The following SEMA6D variants were observed in gnomAD, a reference collection of about 807,000 sequenced individuals.
The protein encoded by SEMA6D is semaphorin-6D.
A neutral mutation model predicts 106.6 loss-of-function variants in SEMA6D; 35 were observed. That is an observed-to-expected ratio of 0.33 (90% CI 0.25 to 0.44). SEMA6D has a LOEUF of 0.44. Among genes scored for constraint, SEMA6D ranks in the 20% least tolerant of loss-of-function variants. SEMA6D has a pLI of 1.00. For synonymous variants in SEMA6D, 499 were observed against 487.7 expected, an observed-to-expected ratio of 1.02 and a Z score of -0.31; for missense variants, 1,185 against 1,345.9, an observed-to-expected ratio of 0.88 and a Z score of 1.87.
At position 47,391,442 on chromosome 15, in the gene SEMA6D, T is replaced by G. The variant is rs982400725; in HGVS notation, c.-238-20951T>G. On this transcript the variant is annotated intron_variant, in intron 1 of 19. Coordinates refer to the SEMA6D transcript ENST00000558014. ...TGTGATGGTTCCAAGGATCAATCCA[T>G]CAGACAATGGTTCCTATTACTGCTT... Among the ~76,000 whole-genome samples the G allele has an allele frequency of 3.3e-5, 5 of 152,128 alleles. No homozygotes were observed. The South Asian group carries it at 1.0e-3, about 32-fold the overall frequency.
chr15:47,738,920 G>C (rs1288261530), intron 1 of SEMA6D, among the ~76,000 whole-genome samples: 1 of 152,110 alleles, frequency 6.6e-6, no homozygotes, highest in African/African-American at 2.4e-5. Context: ...TCAGCTCAGG[G>C]CTCAGCTAGG....
chr15:47,669,983 G>T (rs2078108239), intron 4 of SEMA6D, among the ~76,000 whole-genome samples: 1 of 152,232 alleles, frequency 6.6e-6, no homozygotes, highest in Non-Finnish European at 1.5e-5. Context: ...CAGTTCCCCA[G>T]AGCACATCAA....
At chr15:47,596,742 A>G (rs1293121614) in intron 3 of SEMA6D, among the ~76,000 whole-genome samples, 1 of 152,094 alleles carries the variant, frequency 6.6e-6, no homozygotes, top group Non-Finnish European at 1.5e-5. Context: ...GAAGAATGAA[A>G]CTAGACCCAT....
At chr15:47,586,555 A>T (rs2076343890) in intron 3 of SEMA6D, among the ~76,000 whole-genome samples, 2 of 152,202 alleles carry the variant, frequency 1.3e-5, no homozygotes, top group Non-Finnish European at 2.9e-5. Flanking sequence ...TTTGTTACAC[A>T]AATACAAATA....
chr15:47,645,304 C>T (rs572798129), intron 4 of SEMA6D, among the ~76,000 whole-genome samples: 6 of 152,156 alleles, frequency 3.9e-5, no homozygotes, highest in Non-Finnish European at 7.3e-5. Context: ...GCACAGGCCA[C>T]CATGGGTATT....
chr15:47,209,938 T>A (rs1895366318), intron 1 of SEMA6D, among the ~76,000 whole-genome samples: 2 of 152,240 alleles, frequency 1.3e-5, no homozygotes, highest in African/African-American at 4.8e-5. Context: ...TGTACCAGTG[T>A]GAATGTTAGG....
At chr15:47,689,744 A>G (rs950048793) in intron 4 of SEMA6D, among the ~76,000 whole-genome samples, 94 of 152,130 alleles carry the variant, frequency 6.2e-4, no homozygotes, top group Non-Finnish European at 8.8e-5. Context: ...AGAGATGAGG[A>G]CTTCCTGTTT....
At chr15:47,331,210 C>T (rs1400181611) in intron 1 of SEMA6D, among the ~76,000 whole-genome samples, 2 of 152,146 alleles carry the variant, frequency 1.3e-5, no homozygotes, top group Non-Finnish European at 2.9e-5. Context: ...TTGGGCAGCC[C>T]ATATTATTTG....
rs113849646 is a variant in SEMA6D at position 47,764,195 on chromosome 15, T to C, written c.987T>C (p.Cys329=). Reference sequence around the variant, plus strand: ...TCAGCATCCCTGGTTCTGCTGTCTGTGCATTTAGCATGGATGACATTGAAA... The same window carrying C: ...TCAGCATCCCTGGTTCTGCTGTCTGCGCATTTAGCATGGATGACATTGAAA... ...QLNSIPGSAV[C]AFSMDDIEKV... is the part of the protein sequence containing the mutation. The change falls in exon 11 of 19, where the codon TGT becomes TGC. Residue 329 remains cysteine (C), a synonymous_variant. Coordinates refer to ENST00000536845, the MANE Select transcript of SEMA6D (RefSeq NM_001358351.3). The C allele has an allele frequency of 6.2e-7, 1 of 1,613,768 alleles. No homozygotes were observed. Among genetic ancestry groups the C allele is most frequent in the South Asian group, 1.1e-5 (1 of 91,052 alleles).
At chr15:47,220,312 C>G (rs1480192914) in intron 1 of SEMA6D, among the ~76,000 whole-genome samples, 1 of 152,170 alleles carries the variant, frequency 6.6e-6, no homozygotes, top group African/African-American at 2.4e-5. Context: ...TTTAGTTCTT[C>G]ATTAATCTGT....
chr15:47,646,834 C>T (rs2077590645), intron 4 of SEMA6D, among the ~76,000 whole-genome samples: 1 of 152,150 alleles, frequency 6.6e-6, no homozygotes. Context: ...CACTAGCCAC[C>T]ATCTTCTCTG....
chr15:47,445,513 A>G (rs980465056), intron 2 of SEMA6D, among the ~76,000 whole-genome samples: 1 of 151,994 alleles, frequency 6.6e-6, no homozygotes, highest in Non-Finnish European at 1.5e-5. Flanking sequence ...GCTTAACCAT[A>G]CCTACATCTG....
chr15:47,254,875 T>TTGTGTG (rs58271041), intron 1 of SEMA6D, among the ~76,000 whole-genome samples: 32,422 of 134,078 alleles, frequency 0.24, 4,319 homozygotes, highest in Non-Finnish European at 0.3. Context: ...ACCTGTGGTT[T>TTGTGTG]TGTGTGTGTG....
intron 1 of SEMA6D, among the ~76,000 whole-genome samples, chr15:47,354,389 AATATATATATATG>A (rs2038474028): frequency 4.7e-5 from 5 of 106,854 alleles, no homozygotes; most frequent in Non-Finnish European, 9.7e-5. Flanking sequence ...ATATATATGG[AATATATATATATG>A]GAATGAGAGA....
At chr15:47,384,240 G>T (rs1297215980) in intron 1 of SEMA6D, among the ~76,000 whole-genome samples, 2 of 152,148 alleles carry the variant, frequency 1.3e-5, no homozygotes, top group East Asian at 3.9e-4. Context: ...GTGCATAAGA[G>T]CTACTTTAAA....
chr15:47,378,432 G>A (rs187329326), intron 1 of SEMA6D, among the ~76,000 whole-genome samples: 16 of 152,256 alleles, frequency 1.1e-4, no homozygotes, highest in African/African-American at 3.4e-4. Context: ...GAAGGCAGAG[G>A]TTGCAGTGAG....
intron 1 of SEMA6D, among the ~76,000 whole-genome samples, chr15:47,223,366 C>G (rs893226480): frequency 3.3e-5 from 5 of 152,086 alleles, no homozygotes; most frequent in African/African-American, 9.6e-5. Flanking sequence ...AAACCTGTAA[C>G]TTTTCTGTCA....
At chr15:47,600,351 T>A (rs768295921) in intron 3 of SEMA6D, among the ~76,000 whole-genome samples, 1 of 152,158 alleles carries the variant, frequency 6.6e-6, no homozygotes, top group Non-Finnish European at 1.5e-5. Flanking sequence ...CGACTGAACC[T>A]ATTGGTAATG....
intron 1 of SEMA6D, chr15:47,184,494 G>A (rs190275423): frequency 3.9e-5 from 6 of 152,324 alleles, no homozygotes; most frequent in Admixed American, 3.3e-4. Context: ...AGCTGCTGAC[G>A]GAGGTTCTGC....
Sources: gnomAD v4.1 joint callset for allele counts (sites outside exome capture counted in the v4.1 genomes callset) on GRCh38, gnomAD v4.1.1 for gene constraint, MANE v1.5 for transcripts, NCBI Gene and HGNC (gene_info 2026-07-23, HGNC 2026-07-21) for gene names.